GATAD2A: variants seen among roughly 807,000 people sequenced by gnomAD.
GATAD2A encodes the protein GATA zinc finger domain containing 2A.
In GATAD2A, 12 loss-of-function variants were observed where a neutral mutation model predicts 68.5. The ratio of observed to expected loss-of-function variants is 0.18; its 90% CI spans 0.11 to 0.28. The LOEUF (loss-of-function observed/expected upper bound fraction) is 0.28, where lower values mean the gene tolerates loss of function less well. GATAD2A is among the 10% of genes least tolerant of loss of function. GATAD2A has a pLI of 1.00. For synonymous variants in GATAD2A, 410 were observed against 375.3 expected, an observed-to-expected ratio of 1.09 and a Z score of -1.07; for missense variants, 755 against 868.5, an observed-to-expected ratio of 0.87 and a Z score of 1.64.
chr19:19,488,640 G>T (rs1364184527), intron 2 of GATAD2A, among the ~76,000 whole-genome samples: 1 of 152,218 alleles, frequency 6.6e-6, no homozygotes, highest in Non-Finnish European at 1.5e-5. Context: ...GGAAGTTCCT[G>T]GCAGGTAACA....
chr19:19,502,393 T>C lies in GATAD2A; in HGVS notation c.1641T>C (p.Ser547=). The change falls in exon 11 of 12, where the codon AGT becomes AGC. Residue 547 remains serine, a synonymous_variant. Coordinates refer to ENST00000683918, the MANE Select transcript of GATAD2A (RefSeq NM_001384528.1). ...CCCGAGGTGTCCTGCACACGTTCAG[T>C]CCGTCACCCAAACTGCAGAACTCAG... is the stretch of plus-strand genomic sequence containing the variant. ...TTPRGVLHTF[S]PSPKLQNSAS... The C allele has an allele frequency of 6.2e-7, 1 of 1,613,716 alleles. No individual in the cohort carries two copies. Among genetic ancestry groups the C allele is most frequent in the Non-Finnish European group, 8.5e-7 (1 of 1,179,932 alleles).
intron 2 of GATAD2A, among the ~76,000 whole-genome samples, chr19:19,473,675 C>T (rs1407436603): frequency 2.6e-5 from 4 of 151,828 alleles, no homozygotes; most frequent in African/African-American, 7.3e-5. Context: ...CGGTGGCTCA[C>T]GCCTGTAATC....
chr19:19,492,497 C>A (rs906968147), intron 3 of GATAD2A, 59 bp downstream of exon 3: 12 of 1,611,910 alleles, frequency 7.4e-6, no homozygotes, highest in Non-Finnish European at 7.6e-6. Context: ...ACTCATGACA[C>A]CCTCAGGTGG....
At chr19:19,503,681 T>A (rs2148512990) in intron 11 of GATAD2A, among the ~76,000 whole-genome samples, 1 of 149,780 alleles carries the variant, frequency 6.7e-6, no homozygotes, top group South Asian at 2.1e-4. Flanking sequence ...TGTTTAAAGT[T>A]TGAAAGGGAG....
At chr19:19,415,958 G>GC (rs544123450) in intron 1 of GATAD2A, among the ~76,000 whole-genome samples, 1 of 150,976 alleles carries the variant, frequency 6.6e-6, no homozygotes, top group Non-Finnish European at 1.5e-5. Flanking sequence ...TCCCTGTATG[G>GC]TTTTTTTTCC....
intron 2 of GATAD2A, among the ~76,000 whole-genome samples, chr19:19,488,646 T>C (rs1205456997): frequency 1.3e-5 from 2 of 152,188 alleles, no homozygotes; most frequent in African/African-American, 4.8e-5. Context: ...TCCTGGCAGG[T>C]AACAGAATTT....
At chr19:19,473,664 G>A (rs2058471623) in intron 2 of GATAD2A, among the ~76,000 whole-genome samples, 1 of 151,984 alleles carries the variant, frequency 6.6e-6, no homozygotes, top group Non-Finnish European at 1.5e-5. Flanking sequence ...TAGGCCAGGC[G>A]CGGTGGCTCA....
intron 1 of GATAD2A, among the ~76,000 whole-genome samples, chr19:19,395,573 C>A (rs1165019449): frequency 6.6e-6 from 1 of 152,168 alleles, no homozygotes; most frequent in African/African-American, 2.4e-5. Context: ...AACTAATACA[C>A]CCACAAACTC....
intron 2 of GATAD2A, among the ~76,000 whole-genome samples, chr19:19,483,460 G>A (rs528900382): frequency 6.6e-6 from 1 of 152,320 alleles, no homozygotes; most frequent in South Asian, 2.1e-4. Flanking sequence ...TCCCAGCCAA[G>A]AGGAGCTCAA....
intron 1 of GATAD2A, among the ~76,000 whole-genome samples, chr19:19,423,734 C>T (rs1325069034): frequency 3.9e-5 from 6 of 152,134 alleles, no homozygotes; most frequent in African/African-American, 9.7e-5. Flanking sequence ...TTGGGGATGG[C>T]GTGGGCAGAA....
At chr19:19,442,926 G>T (rs543469399) in intron 1 of GATAD2A, among the ~76,000 whole-genome samples, 1 of 152,018 alleles carries the variant, frequency 6.6e-6, no homozygotes, top group African/African-American at 2.4e-5. Flanking sequence ...CTTCTCTGTG[G>T]GCTGCACACT....
intron 1 of GATAD2A, among the ~76,000 whole-genome samples, chr19:19,422,946 C>G (rs1014771900): frequency 6.6e-6 from 1 of 152,106 alleles, no homozygotes; most frequent in Non-Finnish European, 1.5e-5. Context: ...CTCCTGAACT[C>G]ATGATCTGCC....
chr19:19,429,919 G>A (rs931581026), intron 1 of GATAD2A, among the ~76,000 whole-genome samples: 1 of 151,996 alleles, frequency 6.6e-6, no homozygotes, highest in Non-Finnish European at 1.5e-5. Context: ...GGGAGAGCGG[G>A]GACTGCTCAG....
intron 2 of GATAD2A, among the ~76,000 whole-genome samples, chr19:19,483,776 G>A (rs944836127): frequency 1.0e-4 from 15 of 143,294 alleles, no homozygotes; most frequent in African/African-American, 3.3e-4. Context: ...CACCATACCC[G>A]GCTAATTTTT....
Position 19,502,315 on chromosome 19 carries a change from C to A in GATAD2A, c.1579-16C>A, listed in dbSNP as rs749484714. 6 of 1,590,016 alleles carry A rather than the reference C, an allele frequency of 3.8e-6. No individual in the cohort carries two copies. The African/African-American group carries it at 4.0e-5, about 11-fold the overall frequency. On this transcript the variant is annotated splice_polypyrimidine_tract_variant and intron_variant, in intron 10 of 11. Coordinates refer to ENST00000683918, the MANE Select transcript of GATAD2A (RefSeq NM_001384528.1). ...TTTTCCCTGCATGAGCCGTCACCCCCCTTTCTCCACTGCAGGCCTCCAGCC... is the reference window on the plus strand; with the variant it reads ...TTTTCCCTGCATGAGCCGTCACCCCACTTTCTCCACTGCAGGCCTCCAGCC...
intron 11 of GATAD2A, among the ~76,000 whole-genome samples, chr19:19,503,589 A>G (rs529739606): frequency 6.6e-6 from 1 of 152,142 alleles, no homozygotes; most frequent in South Asian, 2.1e-4. Flanking sequence ...ATAAGAAAGA[A>G]GTAGAAGTCG....
rs192176736 is a variant in GATAD2A at position 19,469,822 on chromosome 19, C to T, written c.269+4208C>T. 9.9e-5 allele frequency among the ~76,000 whole-genome samples: 15 copies of T among 152,226 alleles called. No homozygotes were observed. In the East Asian group the frequency reaches 2.9e-3, roughly 30 times the overall value. On this transcript the variant is annotated intron_variant, in intron 2 of 11. Transcript: ENST00000683918. ...ATTAGCCAGGCGTGGTGGCACGCAC[C>T]TATAGTCCCAGCTACTTGGGAGGCT...
chr19:19,476,349 C>A (rs2058676170), intron 2 of GATAD2A, among the ~76,000 whole-genome samples: 1 of 152,210 alleles, frequency 6.6e-6, no homozygotes, highest in South Asian at 2.1e-4. Flanking sequence ...TATCTCCTCC[C>A]AGCATGTATT....
At chr19:19,397,397 A>G (rs962319444) in intron 1 of GATAD2A, among the ~76,000 whole-genome samples, 2 of 151,816 alleles carry the variant, frequency 1.3e-5, no homozygotes, top group South Asian at 2.1e-4. Context: ...GGCTAATTAT[A>G]TATTTTTAGT....
Sources: allele counts gnomAD v4.1 joint callset (sites outside exome capture counted in the v4.1 genomes callset), GRCh38; gene constraint gnomAD v4.1.1; transcripts MANE v1.5; gene names NCBI Gene and HGNC (gene_info 2026-07-23, HGNC 2026-07-21).